SYCP2: variants seen among roughly 807,000 people sequenced by gnomAD.
SYCP2 encodes synaptonemal complex protein 2, also known as synaptonemal complex lateral element protein.
Under a neutral mutation model 211.3 loss-of-function variants are expected in SYCP2, and 55 were observed. The observed-to-expected ratio is 0.26, with a 90% CI of 0.21 to 0.33. The LOEUF (loss-of-function observed/expected upper bound fraction) is 0.33, where lower values mean the gene tolerates loss of function less well. Ranked by LOEUF, SYCP2 falls within the 10% of genes least tolerant of loss-of-function variation. The pLI is 1.00. For synonymous variants in SYCP2, 570 were observed against 555.2 expected (o/e 1.03, Z -0.37); for missense variants, 1,731 against 1,752.0 (o/e 0.99, Z 0.21).
Position 59,881,996 on chromosome 20 carries a change from A to G in SYCP2, c.2607T>C (p.Asp869=). 6.2e-7 allele frequency: 1 copy of G among 1,613,066 alleles called. No homozygotes were observed. The highest frequency in any genetic ancestry group is 8.5e-7 in the Non-Finnish European group (1 of 1,179,392). The change falls in exon 28 of 45, where the codon GAT becomes GAC. Residue 869 remains aspartate, a synonymous_variant. Coordinates refer to ENST00000357552, the MANE Select transcript of SYCP2 (RefSeq NM_014258.4). ...VNVTSECPVN[D]VYNFNLNGAD... ...CTCCATTCAAATTAAAATTGTAAAC[A>G]TCATTCCTGTGAAAATGAAGAGCAA...
In SYCP2 at chr20:59,900,822, A is replaced by C; in HGVS notation, c.1183-4T>G. 1.9e-6 allele frequency: 3 copies of C among 1,597,302 alleles called. No individual in the cohort carries two copies. The highest frequency in any genetic ancestry group is 3.3e-4 in the Middle Eastern group (2 of 5,998). ...TACCTTGTTTTCTGATAGATTCCTA[A>C]AATTAAATCAATTCACAGTGATGAC... On this transcript the variant is annotated splice_region_variant and splice_polypyrimidine_tract_variant and intron_variant, in intron 16 of 44. Transcript: ENST00000357552.
intron 14 of SYCP2, among the ~76,000 whole-genome samples, chr20:59,910,776 G>A (rs1035970376): frequency 6.6e-6 from 1 of 150,596 alleles, no homozygotes; most frequent in African/African-American, 2.4e-5. Flanking sequence ...GGCAAGAACC[G>A]CAATTACTTT....
intron 7 of SYCP2, 64 bp from the exon 8 acceptor site, chr20:59,916,635 T>C (rs1479474317): frequency 2.6e-6 from 3 of 1,157,178 alleles, no homozygotes; most frequent in Non-Finnish European, 3.9e-6. Context: ...GTCAGTCTTT[T>C]CTTATAAGAG....
Position 59,892,653 on chromosome 20 carries a change from T to G in SYCP2, c.1842A>C (p.Lys614Asn). ...DNICGNKIHS[K>N]WACWTPVTNI... Reference sequence around the variant, plus strand: ...TTGTTACAGGTGTCCAACATGCCCATTTGCTGTGTATTTTATTTCCACAGA... The same window carrying G: ...TTGTTACAGGTGTCCAACATGCCCAGTTGCTGTGTATTTTATTTCCACAGA... The change falls in exon 23 of 45, where the codon AAA (lysine) becomes AAC (asparagine). Residue 614 changes from lysine to asparagine, a missense_variant. Physicochemically the swap from Lys to Asn is moderately conservative, Grantham distance 94 (BLOSUM62 0). Transcript: ENST00000357552. The G allele has an allele frequency of 6.2e-7, 1 of 1,610,286 alleles. No homozygotes were observed. Among genetic ancestry groups the G allele is most frequent in the East Asian group, 2.2e-5 (1 of 44,714 alleles).
In SYCP2 at chr20:59,866,550, A is replaced by G; in HGVS notation, c.4165T>C (p.Trp1389Arg). 6.2e-7 allele frequency: 1 copy of G among 1,606,168 alleles called. No homozygotes were observed. Among genetic ancestry groups the G allele is most frequent in the Non-Finnish European group, 8.5e-7 (1 of 1,177,090 alleles). ...CTCAGATGTTGCTGAGCTGTTTTCC[A>G]AGACTGCGTAGTAAAATAACTCAAC... ...KMLSYFTTQSWKTAQQHLRTM... is the reference protein window; with the variant it reads ...KMLSYFTTQSRKTAQQHLRTM... The change falls in exon 40 of 45, where the codon TGG (tryptophan) becomes CGG (arginine). Residue 1389 changes from tryptophan to arginine, a missense_variant. Around this residue, in one of 3 missense-constraint regions of SYCP2, gnomAD observed 1,387 missense variants for 1,351.3 expected, o/e 1.03. Transcript: ENST00000357552.
In SYCP2 at chr20:59,932,092, C is replaced by A. The variant is rs188449488; in HGVS notation, c.-77G>T. 6.6e-6 allele frequency: 1 copy of A among 152,226 alleles called. No individual in the cohort carries two copies. The highest frequency in any genetic ancestry group is 6.5e-5 in the Admixed American group (1 of 15,298). 9.4% of individuals were successfully genotyped at this position (152,226 alleles called of 1,614,324 possible). On this transcript the variant is annotated 5_prime_UTR_variant, in exon 2 of 45. Coordinates refer to ENST00000357552, the MANE Select transcript of SYCP2 (RefSeq NM_014258.4). ...AAGTAAGCAGGCTCTGGGCTCCAGT[C>A]TACTGAACTGGGGGACTGGTTAGCG...
chr20:59,879,860 T>TACAC (rs1222698665), intron 31 of SYCP2, among the ~76,000 whole-genome samples: 157 of 120,530 alleles, frequency 1.3e-3, no homozygotes, highest in African/African-American at 5.2e-3. Flanking sequence ...TATATATATA[T>TACAC]ATACACACAC....
chr20:59,933,160 CG>C (rs1386887232), intron 1 of SYCP2: 1 of 152,356 alleles, frequency 6.6e-6, no homozygotes, highest in Non-Finnish European at 1.5e-5. Flanking sequence ...TCAGCCTCCT[CG>C]GGCCGGCGAC....
intron 20 of SYCP2, 69 bp downstream of exon 20, chr20:59,895,368 G>T: frequency 2.3e-6 from 3 of 1,331,934 alleles, no homozygotes; most frequent in Non-Finnish European, 3.1e-6. Context: ...TGCAAAAGGA[G>T]TTAGCTCAAT....
At chr20:59,926,652 T>C (rs1479158005) in intron 2 of SYCP2, among the ~76,000 whole-genome samples, 2 of 152,112 alleles carry the variant, frequency 1.3e-5, no homozygotes, top group Non-Finnish European at 2.9e-5. Context: ...ACATATCTTT[T>C]TAGGGGAACA....
At chr20:59,922,776 T>C (rs2060565175) in intron 2 of SYCP2, among the ~76,000 whole-genome samples, 1 of 151,682 alleles carries the variant, frequency 6.6e-6, no homozygotes, top group African/African-American at 2.4e-5. Flanking sequence ...TTCCCTGCTA[T>C]ACTTGTTCCA....
chr20:59,920,921 G>C (rs1339634293), intron 4 of SYCP2, among the ~76,000 whole-genome samples: 1 of 151,412 alleles, frequency 6.6e-6, no homozygotes, highest in Admixed American at 6.6e-5. Flanking sequence ...CAAAGTTTGG[G>C]GTGATTTTTC....
chr20:59,911,928 G>A, intron 13 of SYCP2, 83 bp from the exon 14 acceptor site: 2 of 555,484 alleles, frequency 3.6e-6, no homozygotes, highest in Admixed American at 3.8e-5. Flanking sequence ...CATGGCTAAA[G>A]CAAGAAAACA....
rs745857441 is a variant in SYCP2, at chr20:59,883,465, TAAAG to T, written c.2530-1304_2530-1301del. Reference sequence around the variant, plus strand: ...AAGTATTCACTGACATATGAATGGATAAAGAAATTGTGGTGCGTGTATATATATG... The same window carrying T: ...AAGTATTCACTGACATATGAATGGATAAATTGTGGTGCGTGTATATATATG... On this transcript the variant is annotated intron_variant, in intron 26 of 44. Coordinates refer to ENST00000357552, the MANE Select transcript of SYCP2 (RefSeq NM_014258.4). Among the ~76,000 whole-genome samples, 6 of 152,094 alleles carry T rather than the reference TAAAG, an allele frequency of 3.9e-5. No homozygotes were observed. The East Asian group carries it at 7.7e-4, about 20-fold the overall frequency.
intron 20 of SYCP2, among the ~76,000 whole-genome samples, chr20:59,893,910 G>A (rs541650418): frequency 6.6e-6 from 1 of 152,066 alleles, no homozygotes; most frequent in South Asian, 2.1e-4. Flanking sequence ...TCCTGCTGCT[G>A]TTGATTACAT....
intron 9 of SYCP2, 44 bp downstream of exon 9, chr20:59,915,421 T>G: frequency 7.6e-7 from 1 of 1,315,952 alleles, no homozygotes; most frequent in Non-Finnish European, 1.1e-6. Flanking sequence ...TAAAACATTC[T>G]TATGGATTTT....
chr20:59,925,687 G>A (rs1191889786), intron 2 of SYCP2, among the ~76,000 whole-genome samples: 1 of 151,938 alleles, frequency 6.6e-6, no homozygotes, highest in African/African-American at 2.4e-5. Context: ...TATTGCCCTG[G>A]TAACAAGGTT....
At chr20:59,900,861 T>C in intron 16 of SYCP2, 43 bp from the exon 17 acceptor site, 1 of 1,355,968 alleles carries the variant, frequency 7.4e-7, no homozygotes, top group Non-Finnish European at 1.0e-6. Flanking sequence ...TTCTTCATTT[T>C]CTTTCCACTT....
chr20:59,912,145 C>A (rs192600756), intron 13 of SYCP2: 1 of 413,972 alleles, frequency 2.4e-6, no homozygotes, highest in Non-Finnish European at 4.3e-6. Flanking sequence ...TAAGGAAACA[C>A]GAGAAAAACT....
Sources: allele counts gnomAD v4.1 joint callset (sites outside exome capture counted in the v4.1 genomes callset), GRCh38; gene constraint gnomAD v4.1.1; regional missense constraint gnomAD v4.1.1; transcripts MANE v1.5; gene names NCBI Gene and HGNC (gene_info 2026-07-23, HGNC 2026-07-21).